Variants in ERBB4 observed in about 807,000 individuals in gnomAD.
ERBB4 encodes erb-b2 receptor tyrosine kinase 4.
Under a neutral mutation model 158.0 loss-of-function variants are expected in ERBB4, and 42 were observed. The ratio of observed to expected loss-of-function variants is 0.27; its 90% CI spans 0.21 to 0.34. ERBB4 has a LOEUF of 0.34. ERBB4 is among the 10% of genes least tolerant of loss of function. ERBB4 has a pLI of 1.00. For synonymous variants in ERBB4, 583 were observed against 558.7 expected, an observed-to-expected ratio of 1.04 and a Z score of -0.61; for missense variants, 1,333 against 1,624.1, an observed-to-expected ratio of 0.82 and a Z score of 3.08.
At chr2:211,845,681 A>G (rs1455397632) in intron 3 of ERBB4, among the ~76,000 whole-genome samples, 8 of 152,176 alleles carry the variant, frequency 5.3e-5, no homozygotes, top group African/African-American at 1.9e-4. Context: ...TAATGGTTTT[A>G]GAAACAATTT....
At chr2:212,344,476 ATGTGTGTG>A (rs58499972) in intron 1 of ERBB4, among the ~76,000 whole-genome samples, 1 of 121,416 alleles carries the variant, frequency 8.2e-6, no homozygotes, top group East Asian at 2.4e-4. Context: ...GTGTGTATAT[ATGTGTGTG>A]TGTGTGTGTG....
At chr2:212,141,136 C>T (rs978596455) in intron 1 of ERBB4, among the ~76,000 whole-genome samples, 1 of 151,670 alleles carries the variant, frequency 6.6e-6, no homozygotes, top group African/African-American at 2.4e-5. Flanking sequence ...AGTAAAAATG[C>T]CATAAACAAG....
chr2:212,305,987 C>T (rs2086796118), intron 1 of ERBB4, among the ~76,000 whole-genome samples: 1 of 151,380 alleles, frequency 6.6e-6, no homozygotes, highest in African/African-American at 2.4e-5. Flanking sequence ...AGTAAATCTG[C>T]TAAACATGTG....
At chr2:211,972,704 G>A (rs1200980487) in intron 2 of ERBB4, among the ~76,000 whole-genome samples, 3 of 152,172 alleles carry the variant, frequency 2.0e-5, no homozygotes, top group Non-Finnish European at 4.4e-5. Flanking sequence ...CCAGCCATAT[G>A]TAGAAGACTG....
At chr2:211,916,809 T>C (rs2079705383) in intron 3 of ERBB4, among the ~76,000 whole-genome samples, 1 of 152,176 alleles carries the variant, frequency 6.6e-6, no homozygotes, top group African/African-American at 2.4e-5. Flanking sequence ...AGGAGACACA[T>C]TTAAGAATGT....
At chr2:211,882,820 G>C (rs1424730833) in intron 3 of ERBB4, among the ~76,000 whole-genome samples, 1 of 152,116 alleles carries the variant, frequency 6.6e-6, no homozygotes, top group Non-Finnish European at 1.5e-5. Context: ...AGAAGACTTG[G>C]AATCAACATC....
chr2:211,851,255 T>C (rs1402718513), intron 3 of ERBB4, among the ~76,000 whole-genome samples: 1 of 151,932 alleles, frequency 6.6e-6, no homozygotes, highest in Admixed American at 6.6e-5. Context: ...AACTAATGAT[T>C]CAGTTCATGG....
At chr2:212,269,496 GGAGTCTTGCAATACTTACAGT>G (rs1381749692) in intron 1 of ERBB4, among the ~76,000 whole-genome samples, 37 of 151,764 alleles carry the variant, frequency 2.4e-4, no homozygotes, top group African/African-American at 8.7e-4. Flanking sequence ...CTGATAGAAA[GGAGTCTTGCAATACTTACAGT>G]GTAGACTTTT....
intron 1 of ERBB4, among the ~76,000 whole-genome samples, chr2:212,486,018 C>T (rs148828300): frequency 1.8e-3 from 280 of 152,004 alleles, no homozygotes; most frequent in Middle Eastern, 3.4e-3. Flanking sequence ...CCACAGCATA[C>T]GTGATGAGAA....
intron 2 of ERBB4, among the ~76,000 whole-genome samples, chr2:212,085,709 A>T (rs2078584328): frequency 6.6e-6 from 1 of 151,942 alleles, no homozygotes; most frequent in Non-Finnish European, 1.5e-5. Flanking sequence ...ATGTCACTTT[A>T]AAACTATGTT....
intron 2 of ERBB4, among the ~76,000 whole-genome samples, chr2:212,011,419 T>C (rs1460216884): frequency 6.6e-6 from 1 of 152,150 alleles, no homozygotes; most frequent in East Asian, 1.9e-4. Context: ...GAAAGTTCTA[T>C]TAACCAATGC....
At chr2:211,461,679 G>A (rs1174717660) in intron 20 of ERBB4, among the ~76,000 whole-genome samples, 1 of 152,110 alleles carries the variant, frequency 6.6e-6, no homozygotes, top group East Asian at 1.9e-4. Flanking sequence ...CACAGAAGGA[G>A]AGAGAGATAC....
In ERBB4 at chr2:211,717,452, T is replaced by C. The variant is rs141021873; in HGVS notation, c.884-3804A>G. Among the ~76,000 whole-genome samples, 203 of 152,302 alleles carry C rather than the reference T, an allele frequency of 1.3e-3. 1 individual carries two copies. The highest frequency in any genetic ancestry group is 4.4e-3 in the African/African-American group (184 of 41,568). ...ACACACATATATATACATAAAGAAG[T>C]CAAAGTACAATTTTTACTTTAATGG... On this transcript the variant is annotated intron_variant, in intron 7 of 27. Coordinates refer to ENST00000342788, the MANE Select transcript of ERBB4 (RefSeq NM_005235.3).
chr2:211,479,482 T>A (rs192572175), intron 20 of ERBB4, among the ~76,000 whole-genome samples: 1 of 152,274 alleles, frequency 6.6e-6, no homozygotes, highest in East Asian at 1.9e-4. Context: ...TGTACATTGT[T>A]TGAAGGTGGT....
chr2:211,485,407 T>C (rs2065178773), intron 20 of ERBB4, among the ~76,000 whole-genome samples: 1 of 151,960 alleles, frequency 6.6e-6, no homozygotes, highest in South Asian at 2.1e-4. Flanking sequence ...AGCAGGAGAG[T>C]ATTCTTACTC....
intron 1 of ERBB4, among the ~76,000 whole-genome samples, chr2:212,197,326 T>G (rs1335025214): frequency 6.6e-6 from 1 of 152,200 alleles, no homozygotes; most frequent in Non-Finnish European, 1.5e-5. Flanking sequence ...TAGGTCAGGA[T>G]TTTTCACTAA....
At chr2:211,986,518 C>T (rs1036674211) in intron 2 of ERBB4, among the ~76,000 whole-genome samples, 9 of 152,182 alleles carry the variant, frequency 5.9e-5, no homozygotes, top group African/African-American at 9.6e-5. Context: ...TAAAAGCACA[C>T]GTGAGAGGAA....
chr2:212,013,566 A>G (rs988387291), intron 2 of ERBB4, among the ~76,000 whole-genome samples: 5 of 152,208 alleles, frequency 3.3e-5, no homozygotes, highest in African/African-American at 1.2e-4. Context: ...GGGTTAGGGT[A>G]AGTCCTAAAT....
chr2:212,409,697 T>A (rs2091443925), intron 1 of ERBB4, among the ~76,000 whole-genome samples: 1 of 152,146 alleles, frequency 6.6e-6, no homozygotes, highest in Non-Finnish European at 1.5e-5. Flanking sequence ...GCACTTTCAC[T>A]ATTAAATTTG....
Sources: allele counts gnomAD v4.1 joint callset (sites outside exome capture counted in the v4.1 genomes callset), GRCh38; gene constraint gnomAD v4.1.1; transcripts MANE v1.5; gene names NCBI Gene and HGNC (gene_info 2026-07-23, HGNC 2026-07-21).